Variants in CCSER1 observed in about 807,000 individuals in gnomAD.
CCSER1 encodes serine-rich coiled-coil domain-containing protein 1.
Under a neutral mutation model 82.0 loss-of-function variants are expected in CCSER1, and 41 were observed. That is an observed-to-expected ratio of 0.50 (90% CI 0.39 to 0.65). The LOEUF is 0.65. Among genes scored for constraint, CCSER1 ranks in the 30% least tolerant of loss-of-function variants. CCSER1 has a pLI of 0.00. For synonymous variants in CCSER1, 414 were observed against 383.9 expected (o/e 1.08, Z -0.92); for missense variants, 1,119 against 1,064.2 (o/e 1.05, Z -0.72).
chr4:90,550,154 C>T (rs1397564184), intron 5 of CCSER1, among the ~76,000 whole-genome samples: 1 of 151,998 alleles, frequency 6.6e-6, no homozygotes, highest in Non-Finnish European at 1.5e-5. Flanking sequence ...TTGAGGAGAG[C>T]AAGGGGTAGT....
Position 91,270,234 on chromosome 4 carries a change from T to TGA in CCSER1, c.2217+184242_2217+184243dup, listed in dbSNP as rs1186813251. Reference sequence around the variant, plus strand: ...TGTTTTGCTTTTTGATGTGTGTGCCTGAGGCCAGGGAATAAGTGCTGAATT... The same window carrying TGA: ...TGTTTTGCTTTTTGATGTGTGTGCCTGAGAGGCCAGGGAATAAGTGCTGAATT... On this transcript the variant is annotated intron_variant, in intron 10 of 10. Transcript: ENST00000509176. Among the ~76,000 whole-genome samples, 3 of 152,296 alleles carry TGA rather than the reference T, an allele frequency of 2.0e-5. No individual in the cohort carries two copies. In the East Asian group the frequency reaches 5.8e-4, roughly 29 times the overall value.
intron 10 of CCSER1, among the ~76,000 whole-genome samples, chr4:91,208,715 C>A (rs993235469): frequency 1.3e-5 from 2 of 151,672 alleles, no homozygotes; most frequent in African/African-American, 4.8e-5. Context: ...CTTTTTTGTT[C>A]TGTATGAATT....
intron 5 of CCSER1, among the ~76,000 whole-genome samples, chr4:90,536,706 C>T (rs991819957): frequency 6.6e-6 from 1 of 152,316 alleles, no homozygotes; most frequent in Admixed American, 6.5e-5. Flanking sequence ...GCTTACATCC[C>T]AGTTCTGTTA....
intron 5 of CCSER1, among the ~76,000 whole-genome samples, chr4:90,521,790 T>C (rs115059720): frequency 0.012 from 1,893 of 152,248 alleles, 13 homozygotes; most frequent in South Asian, 0.023. Flanking sequence ...TCTTTTCACA[T>C]ATGAGTTCCA....
chr4:91,374,353 CTA>C (rs1313563610), intron 10 of CCSER1, among the ~76,000 whole-genome samples: 1 of 152,136 alleles, frequency 6.6e-6, no homozygotes, highest in East Asian at 1.9e-4. Context: ...CAGCTGGTAA[CTA>C]TACATTGAAG....
intron 6 of CCSER1, among the ~76,000 whole-genome samples, chr4:90,635,190 C>T (rs542059996): frequency 6.6e-6 from 1 of 151,770 alleles, no homozygotes; most frequent in East Asian, 1.9e-4. Flanking sequence ...TTCTAGAAGA[C>T]TTGAACAATA....
At chr4:90,250,942 A>G (rs1274572018) in intron 1 of CCSER1, among the ~76,000 whole-genome samples, 1 of 151,966 alleles carries the variant, frequency 6.6e-6, no homozygotes, top group Non-Finnish European at 1.5e-5. Context: ...TTTCTTGTGA[A>G]TGCTACTGTA....
At chr4:90,834,144 T>C (rs1761490603) in intron 8 of CCSER1, among the ~76,000 whole-genome samples, 1 of 152,228 alleles carries the variant, frequency 6.6e-6, no homozygotes, top group African/African-American at 2.4e-5. Flanking sequence ...TGTGTATTTT[T>C]ACAGTTTAAA....
At chr4:91,244,531 C>T (rs1269801502) in intron 10 of CCSER1, among the ~76,000 whole-genome samples, 1 of 152,218 alleles carries the variant, frequency 6.6e-6, no homozygotes, top group African/African-American at 2.4e-5. Context: ...ACAAAAGTCT[C>T]TGCCTGGTAA....
At chr4:90,876,666 C>G (rs1218507562) in intron 8 of CCSER1, among the ~76,000 whole-genome samples, 1 of 152,178 alleles carries the variant, frequency 6.6e-6, no homozygotes, top group East Asian at 1.9e-4. Context: ...CCCATTCAAT[C>G]CCATTCATAT....
At chr4:91,087,400 A>G (rs1361223399) in intron 10 of CCSER1, among the ~76,000 whole-genome samples, 4 of 152,152 alleles carry the variant, frequency 2.6e-5, no homozygotes, top group East Asian at 3.8e-4. Context: ...TTATTTTTAA[A>G]TGCATAATGA....
At chr4:90,855,622 C>G (rs536911411) in intron 8 of CCSER1, among the ~76,000 whole-genome samples, 4 of 152,096 alleles carry the variant, frequency 2.6e-5, no homozygotes, top group African/African-American at 9.6e-5. Context: ...ATTTTTTCAC[C>G]AGCCTTTTAA....
At chr4:91,238,592 G>A (rs767662718) in intron 10 of CCSER1, among the ~76,000 whole-genome samples, 14 of 152,100 alleles carry the variant, frequency 9.2e-5, no homozygotes, top group Non-Finnish European at 1.9e-4. Flanking sequence ...CCTTCTCTTA[G>A]TGTCTTTGTT....
chr4:91,130,852 C>T (rs1465475967), intron 10 of CCSER1, among the ~76,000 whole-genome samples: 3 of 151,576 alleles, frequency 2.0e-5, no homozygotes, highest in Non-Finnish European at 4.4e-5. Flanking sequence ...TTTTGAATTA[C>T]TTTCACTTAT....
At position 91,189,840 on chromosome 4, in the gene CCSER1, T is replaced by G. The variant is rs139984489; in HGVS notation, c.2217+103846T>G. ...TGAATTTTAATTTTTGAATAATAATTTAACATTTGCATTTAATTGAGAGAT... is the reference window on the plus strand; with the variant it reads ...TGAATTTTAATTTTTGAATAATAATGTAACATTTGCATTTAATTGAGAGAT... On this transcript the variant is annotated intron_variant, in intron 10 of 10. Transcript: ENST00000509176. Among the ~76,000 whole-genome samples the G allele has an allele frequency of 7.3e-4, 111 of 152,252 alleles. 3 individuals carry two copies. In the East Asian group the frequency reaches 0.019, roughly 26 times the overall value.
At position 90,738,407 on chromosome 4, in the gene CCSER1, G is replaced by A. The variant is rs141733783; in HGVS notation, c.2010+14416G>A. ...CCTTGGTTCTTGGCTAGGGTCAGGC[G>A]AATTTTTTTTTGCTTTACCATACAG... On this transcript the variant is annotated intron_variant, in intron 7 of 10. Transcript: ENST00000509176. 4.9e-4 allele frequency among the ~76,000 whole-genome samples: 74 copies of A among 152,090 alleles called. 1 individual carries two copies. In the East Asian group the frequency reaches 0.011, roughly 23 times the overall value.
At chr4:90,843,996 GTATT>G (rs1284112542) in intron 8 of CCSER1, among the ~76,000 whole-genome samples, 1 of 151,866 alleles carries the variant, frequency 6.6e-6, no homozygotes, top group East Asian at 1.9e-4. Context: ...AAGATTTTGT[GTATT>G]TGTCAAGCAC....
intron 10 of CCSER1, among the ~76,000 whole-genome samples, chr4:91,593,046 TCTCCCCTCCCCC>T (rs1339920724): frequency 0.028 from 4,257 of 152,214 alleles, no homozygotes; most frequent in African/African-American, 0.095. Context: ...TTGAAGTATT[TCTCCCCTCCCCC>T]ATAAATTCTA....
intron 9 of CCSER1, among the ~76,000 whole-genome samples, chr4:91,001,489 CT>C (rs949332171): frequency 1.4e-4 from 21 of 152,104 alleles, no homozygotes; most frequent in African/African-American, 4.6e-4. Flanking sequence ...ATATTCTCAT[CT>C]TTTCCTCTTC....
Sources: allele counts gnomAD v4.1 joint callset (sites outside exome capture counted in the v4.1 genomes callset), GRCh38; gene constraint gnomAD v4.1.1; transcripts MANE v1.5; gene names NCBI Gene and HGNC (gene_info 2026-07-23, HGNC 2026-07-21).